CHL1: variants seen among roughly 807,000 people sequenced by gnomAD.
The protein encoded by CHL1 is cell adhesion molecule L1 like, also known as neural cell adhesion molecule L1-like protein.
CHL1 carries 96 observed loss-of-function variants against 141.9 expected under a neutral mutation model. That is an observed-to-expected ratio of 0.68 (90% CI 0.57 to 0.80). The LOEUF (loss-of-function observed/expected upper bound fraction) is 0.80, where lower values mean the gene tolerates loss of function less well. Among genes scored for constraint, CHL1 ranks in the 30% least tolerant of loss-of-function variants. CHL1 has a pLI of 0.00. For missense variants in CHL1, 1,820 were observed against 1,457.2 expected (o/e 1.25, Z -4.05); for synonymous variants, 613 against 502.2 (o/e 1.22, Z -2.95).
rs1309792616 is a variant in CHL1 at position 365,974 on chromosome 3, C to T, written c.1610C>T (p.Pro537Leu). ...GATGCTACAAAACTTAGAGTTTCTCCTAAGAATCCTCGTATCCCCAAATTG... is the reference window on the plus strand; with the variant it reads ...GATGCTACAAAACTTAGAGTTTCTCTTAAGAATCCTCGTATCCCCAAATTG... ...IRNATKLRVS[P>L]KNPRIPKLHM... The change falls in exon 15 of 28, where the codon CCT (proline) becomes CTT (leucine). Residue 537 changes from proline (P) to leucine (L), a missense_variant. By Grantham distance (98) the Pro-to-Leu change is moderately conservative. Transcript: ENST00000256509. 1 of 1,613,296 alleles carries T rather than the reference C, an allele frequency of 6.2e-7. No individual in the cohort carries two copies.
At chr3:294,843 G>T (rs1368429136) in intron 2 of CHL1, among the ~76,000 whole-genome samples, 2 of 152,148 alleles carry the variant, frequency 1.3e-5, no homozygotes, top group Non-Finnish European at 2.9e-5. Context: ...GGCAATACAT[G>T]CCTAATTGGC....
intron 1 of CHL1, among the ~76,000 whole-genome samples, chr3:234,231 A>C (rs1051430106): frequency 6.6e-6 from 1 of 151,520 alleles, no homozygotes; most frequent in Non-Finnish European, 1.5e-5. Flanking sequence ...GTATGTATAC[A>C]TATATATTTG....
chr3:397,891 C>T (rs6763478), intron 24 of CHL1, among the ~76,000 whole-genome samples: 8,007 of 152,122 alleles, frequency 0.053, 706 homozygotes, highest in African/African-American at 0.18. Flanking sequence ...AGGCCATATT[C>T]AGTTTCGCAT....
chr3:399,026 G>A lies in CHL1; in HGVS notation c.3263G>A (p.Gly1088Asp), dbSNP rs1245930846. 21 of 1,613,408 alleles carry A rather than the reference G, an allele frequency of 1.3e-5. No homozygotes were observed. Among genetic ancestry groups the A allele is most frequent in the Non-Finnish European group, 1.7e-5 (20 of 1,179,434 alleles). Residue 1088 changes from glycine to aspartate, a missense_variant, in exon 26 of 28, where the codon GGT becomes GAT. By Grantham distance (94) the Gly-to-Asp change is moderately conservative. Coordinates refer to ENST00000256509, the MANE Select transcript of CHL1 (RefSeq NM_006614.4). ...TCTCTTTCTACCACAGAATATGCTG[G>A]TTTATATGATGACATCTCCACTCAA... Reference protein sequence around the residue: ...VIETRGREYAGLYDDISTQGW... With the variant: ...VIETRGREYADLYDDISTQGW...
At chr3:335,022 A>G (rs952537232) in intron 5 of CHL1, among the ~76,000 whole-genome samples, 7 of 152,254 alleles carry the variant, frequency 4.6e-5, no homozygotes, top group African/African-American at 9.6e-5. Context: ...GAAATTTTCT[A>G]TATAATAATT....
At chr3:242,452 C>T (rs1314288357) in intron 1 of CHL1, among the ~76,000 whole-genome samples, 16 of 142,012 alleles carry the variant, frequency 1.1e-4, no homozygotes, top group Admixed American at 3.6e-4. Flanking sequence ...AAAAATTATC[C>T]CGGCGTGGTG....
intron 2 of CHL1, among the ~76,000 whole-genome samples, chr3:282,349 G>T (rs1034555557): frequency 1.3e-5 from 2 of 152,076 alleles, no homozygotes; most frequent in Admixed American, 1.3e-4. Context: ...TATAATTCTT[G>T]ATTTATGTAG....
At chr3:363,100 A>G (rs1704446152) in intron 13 of CHL1, 117 bp from the exon 14 acceptor site, 3 of 781,900 alleles carry the variant, frequency 3.8e-6, no homozygotes, top group East Asian at 2.7e-5. Flanking sequence ...GGAACATTTC[A>G]TGAGGTTTTC....
chr3:406,435 A>G lies in CHL1; in HGVS notation c.*724A>G, dbSNP rs1438339836. 5 of 149,880 alleles carry G rather than the reference A, an allele frequency of 3.3e-5. No homozygotes were observed. The highest frequency in any genetic ancestry group is 6.7e-5 in the Admixed American group (1 of 14,998). The allele number at this position is 149,880 out of a possible 1,614,324, so 9.3% of individuals were successfully genotyped here. Reference sequence around the variant, plus strand: ...TTTTTCTTGGACTAAATTCAACTGCATGGAAGCGGTGGTCAGAAGGTTGTT... The same window carrying G: ...TTTTTCTTGGACTAAATTCAACTGCGTGGAAGCGGTGGTCAGAAGGTTGTT... On this transcript the variant is annotated 3_prime_UTR_variant, in exon 28 of 28. Transcript: ENST00000256509.
At chr3:212,636 C>T (rs145362172) in intron 1 of CHL1, among the ~76,000 whole-genome samples, 242 of 152,312 alleles carry the variant, frequency 1.6e-3, no homozygotes, top group African/African-American at 5.7e-3. Context: ...CTCCCTACTG[C>T]TTTGCAGGCC....
At chr3:200,497 T>C (rs1194850284) in intron 1 of CHL1, among the ~76,000 whole-genome samples, 1 of 152,218 alleles carries the variant, frequency 6.6e-6, no homozygotes, top group Non-Finnish European at 1.5e-5. Context: ...TATTTTCAAT[T>C]ATGAACATTT....
intron 4 of CHL1, among the ~76,000 whole-genome samples, chr3:327,423 A>AG (rs1553567896): frequency 7.0e-6 from 1 of 142,948 alleles, no homozygotes; most frequent in Non-Finnish European, 1.5e-5. Context: ...AACTGTGTAC[A>AG]TTTTTTTTCT....
chr3:246,230 G>C (rs962398382), intron 2 of CHL1, among the ~76,000 whole-genome samples: 2 of 152,038 alleles, frequency 1.3e-5, no homozygotes, highest in African/African-American at 4.8e-5. Context: ...ACTACTATGA[G>C]AAACTGTAAT....
chr3:399,113 G>C lies in CHL1; in HGVS notation c.3350G>C (p.Cys1117Ser). The stretch of plus-strand genomic sequence containing the variant: ...CTCACACTACTATTATTAACTGTTT[G>C]CTTTGTGAAGAGGAATAGAGGTGGA... ...ALLTLLLLTV[C>S]FVKRNRGGKY... The change falls in exon 26 of 28, where the codon TGC (cysteine) becomes TCC (serine). Residue 1117 changes from cysteine to serine, a missense_variant. By Grantham distance (112) the Cys-to-Ser change is moderately radical (BLOSUM62 -1). Transcript: ENST00000256509. The C allele has an allele frequency of 6.2e-7, 1 of 1,610,294 alleles. No individual in the cohort carries two copies. Among genetic ancestry groups the C allele is most frequent in the Non-Finnish European group, 8.5e-7 (1 of 1,176,596 alleles).
intron 15 of CHL1, among the ~76,000 whole-genome samples, chr3:372,503 T>C (rs1705766516): frequency 6.6e-6 from 1 of 152,186 alleles, no homozygotes; most frequent in African/African-American, 2.4e-5. Context: ...AGTTAGCAGC[T>C]CCTGTGACCT....
rs746855078 is a variant in CHL1 at position 382,517 on chromosome 3, G to T, written c.2022G>T (p.Arg674Ser). 6.2e-7 allele frequency: 1 copy of T among 1,613,934 alleles called. No individual in the cohort carries two copies. The highest frequency in any genetic ancestry group is 8.5e-7 in the Non-Finnish European group (1 of 1,179,852). Reference protein sequence around the residue: ...EFEGNKEEPGRWEELTRVQGK... With the variant: ...EFEGNKEEPGSWEELTRVQGK... ...AAGGAAACAAAGAAGAGCCTGGAAGGTGGGAGGAACTGACCAGAGTCCAAG... is the reference window on the plus strand; with the variant it reads ...AAGGAAACAAAGAAGAGCCTGGAAGTTGGGAGGAACTGACCAGAGTCCAAG... Residue 674 changes from arginine (R) to serine (S), a missense_variant, in exon 18 of 28, where the codon AGG becomes AGT. Arg to Ser is a moderately radical substitution (Grantham distance 110). Coordinates refer to ENST00000256509, the MANE Select transcript of CHL1 (RefSeq NM_006614.4).
At position 399,046 on chromosome 3, in the gene CHL1, A is replaced by G. The variant is rs898008680; in HGVS notation, c.3283A>G (p.Thr1095Ala). ...EYAGLYDDIS[T>A]QGWFIGLMCA... The stretch of plus-strand genomic sequence containing the variant: ...TGCTGGTTTATATGATGACATCTCC[A>G]CTCAAGGCTGGTTTATTGGACTGAT... Residue 1095 changes from threonine to alanine, a missense_variant, in exon 26 of 28, where the codon ACT (threonine) becomes GCT (alanine). Coordinates refer to ENST00000256509, the MANE Select transcript of CHL1 (RefSeq NM_006614.4). 14 of 1,612,772 alleles carry G rather than the reference A, an allele frequency of 8.7e-6. No homozygotes were observed. Among genetic ancestry groups the G allele is most frequent in the African/African-American group, 1.3e-5 (1 of 74,890 alleles).
intron 1 of CHL1, among the ~76,000 whole-genome samples, chr3:238,791 G>C (rs1692247387): frequency 6.7e-6 from 1 of 150,102 alleles, no homozygotes; most frequent in African/African-American, 2.4e-5. Flanking sequence ...AAAATAGCTG[G>C]ATGTGGTGGC....
At position 354,649 on chromosome 3, in the gene CHL1, G is replaced by A. The variant is rs772171398; in HGVS notation, c.1043G>A (p.Arg348His). 32 of 1,611,998 alleles carry A rather than the reference G, an allele frequency of 2.0e-5. No individual in the cohort carries two copies. Among genetic ancestry groups the A allele is most frequent in the Non-Finnish European group, 2.6e-5 (31 of 1,179,074 alleles). ...TTCACTTTACATCCAGAGCCTCCTC[G>A]CTGGACAAAGAAGCCTCAGAGTGCT... Reference protein sequence around the residue: ...DFHVIVEEPPRWTKKPQSAVY... With the variant: ...DFHVIVEEPPHWTKKPQSAVY... Residue 348 changes from arginine to histidine, a missense_variant, in exon 11 of 28, where the codon CGC becomes CAC. Coordinates refer to ENST00000256509, the MANE Select transcript of CHL1 (RefSeq NM_006614.4).
Sources: allele counts gnomAD v4.1 joint callset (sites outside exome capture counted in the v4.1 genomes callset), GRCh38; gene constraint gnomAD v4.1.1; transcripts MANE v1.5; gene names NCBI Gene and HGNC (gene_info 2026-07-23, HGNC 2026-07-21).